The following FAM153A variants were observed in gnomAD, a reference collection of about 807,000 sequenced individuals.
FAM153A encodes protein FAM153A.
In FAM153A, 12 loss-of-function variants were observed where a neutral mutation model predicts 48.1. The ratio of observed to expected loss-of-function variants is 0.25; its 90% CI spans 0.16 to 0.40. The LOEUF is 0.40. FAM153A is among the 10% of genes least tolerant of loss of function. The pLI is 1.00. For missense variants in FAM153A, 111 were observed against 345.8 expected, an observed-to-expected ratio of 0.32 and a Z score of 5.38; for synonymous variants, 36 against 118.2, an observed-to-expected ratio of 0.30 and a Z score of 4.51.
At chr5:177,758,620 A>G (rs1767986384) in intron 1 of FAM153A, among the ~76,000 whole-genome samples, 1 of 148,064 alleles carries the variant, frequency 6.8e-6, no homozygotes, top group African/African-American at 2.5e-5. Flanking sequence ...ACTGGTTCCA[A>G]AACAGAGATA....
downstream of FAM153A, among the ~76,000 whole-genome samples, chr5:177,708,311 C>T (rs949667096): frequency 7.9e-5 from 11 of 139,628 alleles, no homozygotes; most frequent in African/African-American, 2.7e-4. Flanking sequence ...CATGGTGGCT[C>T]ATGCCTGTAA....
At chr5:177,759,485 T>C (rs538996354) in intron 1 of FAM153A, among the ~76,000 whole-genome samples, 29 of 151,812 alleles carry the variant, frequency 1.9e-4, no homozygotes, top group Admixed American at 1.2e-3. Flanking sequence ...CAGAGGATTA[T>C]AAATCATGCT....
exon 27 of FAM153A, chr5:177,711,149 C>T (rs1388151833): frequency 2.0e-5 from 3 of 151,784 alleles, no homozygotes; most frequent in Non-Finnish European, 4.4e-5. Flanking sequence ...AAGACATATA[C>T]AATGGTCTGA....
At chr5:177,734,116 C>G (rs1384365806) in intron 14 of FAM153A, among the ~76,000 whole-genome samples, 1 of 122,976 alleles carries the variant, frequency 8.1e-6, no homozygotes. Context: ...GACCACAGCA[C>G]CACATGAATT....
downstream of FAM153A, among the ~76,000 whole-genome samples, chr5:177,710,033 C>G (rs1310373919): frequency 2.1e-5 from 3 of 146,318 alleles, no homozygotes; most frequent in African/African-American, 7.8e-5. Context: ...TGCTCATTTG[C>G]AATATATAAT....
At chr5:177,705,820 C>A (rs1362776303), downstream of FAM153A, among the ~76,000 whole-genome samples, 1 of 150,884 alleles carries the variant, frequency 6.6e-6, no homozygotes, top group Non-Finnish European at 1.5e-5. Flanking sequence ...CCACCATGCC[C>A]AGCTAATTTT....
chr5:177,783,227 C>G (rs1437447871), upstream of FAM153A: 2 of 108,960 alleles, frequency 1.8e-5, 1 homozygote, highest in African/African-American at 7.2e-5. Context: ...CTGGCACTGG[C>G]GCGGGATGGC....
At chr5:177,697,225 AT>A in the FAM153A span, among the ~76,000 whole-genome samples, 1 of 151,346 alleles carries the variant, frequency 6.6e-6, no homozygotes, top group African/African-American at 2.4e-5. Context: ...GAATGGAATT[AT>A]TTTTTAAATT....
exon 27 of FAM153A, chr5:177,712,878 C>T (rs1411843109): frequency 1.3e-5 from 2 of 151,678 alleles, no homozygotes; most frequent in African/African-American, 4.9e-5. Flanking sequence ...TTCTGTACAA[C>T]TGAGCCTCAA....
intron 6 of FAM153A, among the ~76,000 whole-genome samples, chr5:177,743,201 G>T (rs200179211): frequency 0.024 from 2,052 of 85,588 alleles, 16 homozygotes; most frequent in Non-Finnish European, 0.029. Context: ...TTTTTTTTTT[G>T]TTTTGTTTTT....
At chr5:177,728,686 G>C (rs1380676201) in intron 18 of FAM153A, among the ~76,000 whole-genome samples, 1 of 150,682 alleles carries the variant, frequency 6.6e-6, no homozygotes, top group Non-Finnish European at 1.5e-5. Context: ...TCCTGCCTTG[G>C]CCTCCTGAGT....
downstream of FAM153A, among the ~76,000 whole-genome samples, chr5:177,705,928 G>A (rs548864025): frequency 6.6e-6 from 1 of 151,532 alleles, no homozygotes; most frequent in Non-Finnish European, 1.5e-5. Context: ...AAAGTGCTGG[G>A]ATTATAGGCG....
chr5:177,719,602 A>G (rs1437001680), downstream of FAM153A, among the ~76,000 whole-genome samples: 3 of 131,488 alleles, frequency 2.3e-5, no homozygotes, highest in Non-Finnish European at 4.8e-5. Flanking sequence ...GTGGAGTCTC[A>G]CTCTGTCACC....
chr5:177,755,921 C>T (rs930543710), upstream of FAM153A, among the ~76,000 whole-genome samples: 46 of 148,340 alleles, frequency 3.1e-4, no homozygotes, highest in Admixed American at 1.1e-3. Context: ...GAAGAAACTG[C>T]GTCAACTAAC....
At chr5:177,754,007 T>A (rs191851096), upstream of FAM153A, among the ~76,000 whole-genome samples, 582 of 151,986 alleles carry the variant, frequency 3.8e-3, 11 homozygotes, top group African/African-American at 0.013. Context: ...GTGGGTGCAG[T>A]GCACCAAGTG....
At chr5:177,757,861 A>G (rs1263356503), upstream of FAM153A, among the ~76,000 whole-genome samples, 3 of 151,296 alleles carry the variant, frequency 2.0e-5, no homozygotes, top group Admixed American at 1.3e-4. Context: ...ACAAACCCAC[A>G]GCCAATATCA....
At chr5:177,754,864 C>T (rs185962795), upstream of FAM153A, among the ~76,000 whole-genome samples, 4 of 151,794 alleles carry the variant, frequency 2.6e-5, no homozygotes, top group Non-Finnish European at 5.9e-5. Flanking sequence ...AGACCAAGGG[C>T]AGATAAAACC....
At chr5:177,715,758 C>T (rs1263805696) in intron 25 of FAM153A, among the ~76,000 whole-genome samples, 2 of 151,734 alleles carry the variant, frequency 1.3e-5, no homozygotes, top group East Asian at 1.9e-4. Context: ...GCCTGGAGTG[C>T]AGTGGTATGA....
chr5:177,739,119 T>C (rs202101198), exon 10 of FAM153A: 1 of 1,612,934 alleles, frequency 6.2e-7, no homozygotes, highest in Non-Finnish European at 8.5e-7. Flanking sequence ...ATACCGTTGG[T>C]TTGGGTGCCT....
Sources: gnomAD v4.1 joint callset for allele counts (sites outside exome capture counted in the v4.1 genomes callset) on GRCh38, gnomAD v4.1.1 for gene constraint, MANE v1.5 for transcripts, NCBI Gene and HGNC (gene_info 2026-07-23, HGNC 2026-07-21) for gene names.